Variants in UQCRC2 observed in about 807,000 individuals in gnomAD.
UQCRC2 encodes ubiquinol-cytochrome c reductase core protein 2, also known as cytochrome b-c1 complex subunit 2, mitochondrial.
In UQCRC2, 49 loss-of-function variants were observed where a neutral mutation model predicts 55.6. That is an observed-to-expected ratio of 0.88 (90% CI 0.70 to 1.12). The LOEUF (loss-of-function observed/expected upper bound fraction) is 1.12, where lower values mean the gene tolerates loss of function less well. Ranked by LOEUF, UQCRC2 falls within the 50% of genes most tolerant of loss-of-function variation. UQCRC2 has a pLI of 0.00. For synonymous variants in UQCRC2, 193 were observed against 192.0 expected (o/e 1.01, Z -0.04); for missense variants, 506 against 547.8 (o/e 0.92, Z 0.76).
chr16:21,962,908 T>C (rs777554624), intron 6 of UQCRC2, 23 bp downstream of exon 6: 2 of 1,607,538 alleles, frequency 1.2e-6, no homozygotes, highest in African/African-American at 2.7e-5. Context: ...CCAGATCACA[T>C]TTGATTCTAA....
At chr16:21,972,233 G>T (rs1281156770) in intron 10 of UQCRC2, 111 bp downstream of exon 10, 1 of 1,382,092 alleles carries the variant, frequency 7.2e-7, no homozygotes, top group Non-Finnish European at 9.8e-7. Context: ...GAAAATCTTT[G>T]TACAATTGAA....
chr16:21,980,873 T>C (rs1003431546), intron 13 of UQCRC2, among the ~76,000 whole-genome samples, 173 bp downstream of exon 13: 2 of 152,172 alleles, frequency 1.3e-5, no homozygotes, highest in African/African-American at 4.8e-5. Context: ...CAAGCTTCCC[T>C]GTCAGCTCGA....
intron 13 of UQCRC2, among the ~76,000 whole-genome samples, chr16:21,982,025 A>G (rs1898742508): frequency 6.6e-6 from 1 of 151,650 alleles, no homozygotes. Flanking sequence ...TATTTTTAGT[A>G]GAGACGGGGT....
At chr16:21,962,686 A>G in intron 5 of UQCRC2, 75 bp from the exon 6 acceptor site, 1 of 1,605,934 alleles carries the variant, frequency 6.2e-7, no homozygotes, top group South Asian at 1.1e-5. Context: ...CATTGAGAGC[A>G]TTACAGCTAT....
Position 21,976,261 on chromosome 16 carries a change from CTGTGT to C in UQCRC2, c.1124+20_1124+24del, listed in dbSNP as rs1567478723. 2 of 1,589,224 alleles carry C rather than the reference CTGTGT, an allele frequency of 1.3e-6. No individual in the cohort carries two copies. ...GCTGCCAAGTAAGTCTCAGTATTAA[CTGTGT>C]TTTATGTTTTTGTTATTTGAAAGTT... On this transcript the variant is annotated intron_variant, in intron 12 of 13. Coordinates refer to ENST00000268379, the MANE Select transcript of UQCRC2 (RefSeq NM_003366.4).
At chr16:21,976,275 T>C in intron 12 of UQCRC2, 32 bp downstream of exon 12, 1 of 1,540,920 alleles carries the variant, frequency 6.5e-7, no homozygotes, top group Non-Finnish European at 9.0e-7. Context: ...GTTTTATGTT[T>C]TTGTTATTTG....
rs138762152 is a variant in UQCRC2, at chr16:21,961,306, C to T, written c.333-1154C>T. 3,166 of 446,048 alleles carry T rather than the reference C, an allele frequency of 7.1e-3. 25 individuals carry two copies. The highest frequency in any genetic ancestry group is 0.017 in the Middle Eastern group (51 of 3,030). The allele number at this position is 446,048 out of a possible 1,614,324, so 27.6% of individuals were successfully genotyped here. ...AGGTATTCTTTATAAAGACTGGAAA[C>T]GATCTAAGTGTCCATCTTTAGGGAA... On this transcript the variant is annotated intron_variant, in intron 4 of 13. Transcript: ENST00000268379.
At chr16:21,955,257 C>G (rs1898070060) in intron 1 of UQCRC2, among the ~76,000 whole-genome samples, 4 of 152,088 alleles carry the variant, frequency 2.6e-5, no homozygotes, top group Admixed American at 2.6e-4. Context: ...ACCCAGCAAA[C>G]TAAATTGATG....
chr16:21,974,814 C>T (rs1044207059), intron 11 of UQCRC2, among the ~76,000 whole-genome samples: 3 of 152,156 alleles, frequency 2.0e-5, no homozygotes, highest in Non-Finnish European at 2.9e-5. Context: ...ATCCAGCACA[C>T]AAGTGGACCT....
intron 4 of UQCRC2, among the ~76,000 whole-genome samples, chr16:21,959,115 G>A (rs142141974): frequency 6.6e-6 from 1 of 152,178 alleles, no homozygotes; most frequent in African/African-American, 2.4e-5. Flanking sequence ...TCAAGGTGGT[G>A]GTTGCTGAAG....
chr16:21,955,423 G>A (rs1209784584), intron 1 of UQCRC2, among the ~76,000 whole-genome samples: 2 of 152,142 alleles, frequency 1.3e-5, no homozygotes, highest in African/African-American at 2.4e-5. Context: ...AGGGATGTCC[G>A]GGAAACTCCA....
At chr16:21,958,443 T>A in intron 3 of UQCRC2, 92 bp from the exon 4 acceptor site, 1 of 1,136,660 alleles carries the variant, frequency 8.8e-7, no homozygotes, top group East Asian at 2.4e-5. Context: ...AAATTCTTTT[T>A]AAATCTGCTC....
intron 10 of UQCRC2, among the ~76,000 whole-genome samples, chr16:21,972,991 T>C (rs1898499884): frequency 6.6e-6 from 1 of 152,180 alleles, no homozygotes; most frequent in African/African-American, 2.4e-5. Context: ...TCCCAGCTAC[T>C]TGGGAGGCTG....
chr16:21,958,489 C>T lies in UQCRC2; in HGVS notation c.268-46C>T, dbSNP rs375397718. 4.6e-5 allele frequency: 72 copies of T among 1,568,818 alleles called. No homozygotes were observed. The African/African-American group carries it at 9.5e-4, about 21-fold the overall frequency. On this transcript the variant is annotated intron_variant, in intron 3 of 13. Transcript: ENST00000268379. ...TTGATATAGTGTGATGTTTGGCAAACTTGGCATTGAAAAGCTACAAAGATA... is the reference window on the plus strand; with the variant it reads ...TTGATATAGTGTGATGTTTGGCAAATTTGGCATTGAAAAGCTACAAAGATA...
intron 7 of UQCRC2, among the ~76,000 whole-genome samples, chr16:21,965,966 G>A (rs1463112171): frequency 6.6e-6 from 1 of 152,082 alleles, no homozygotes; most frequent in Non-Finnish European, 1.5e-5. Flanking sequence ...TTACAGGCAT[G>A]AGCCATTGCA....
At chr16:21,977,488 T>C (rs1898614072) in intron 12 of UQCRC2, among the ~76,000 whole-genome samples, 1 of 152,112 alleles carries the variant, frequency 6.6e-6, no homozygotes, top group South Asian at 2.1e-4. Flanking sequence ...CCAAAAAAGA[T>C]CTGATTTTGT....
intron 4 of UQCRC2, chr16:21,959,533 G>A (rs1158429488): frequency 6.5e-6 from 1 of 154,380 alleles, no homozygotes; most frequent in African/African-American, 2.4e-5. Flanking sequence ...CTGAAGTCTT[G>A]CCTCTCAGAG....
At position 21,969,248 on chromosome 16, in the gene UQCRC2, T is replaced by C. The variant is rs374450607; in HGVS notation, c.670+563T>C. On this transcript the variant is annotated intron_variant, in intron 8 of 13. Coordinates refer to ENST00000268379, the MANE Select transcript of UQCRC2 (RefSeq NM_003366.4). ...TCTTTTTGAACATATCTGTTAAAAT[T>C]CTAGGCTGGGCATGGTGGCTCATGC... 7.9e-5 allele frequency among the ~76,000 whole-genome samples: 12 copies of C among 152,148 alleles called. No homozygotes were observed. In the East Asian group the frequency reaches 1.9e-3, roughly 25 times the overall value.
intron 11 of UQCRC2, among the ~76,000 whole-genome samples, chr16:21,974,702 TGA>T (rs1182142666): frequency 1.3e-5 from 2 of 152,200 alleles, no homozygotes; most frequent in African/African-American, 2.4e-5. Context: ...GAGTTTACAC[TGA>T]GAGATTAGGT....
Sources: gnomAD v4.1 joint callset for allele counts (sites outside exome capture counted in the v4.1 genomes callset) on GRCh38, gnomAD v4.1.1 for gene constraint, MANE v1.5 for transcripts, NCBI Gene and HGNC (gene_info 2026-07-23, HGNC 2026-07-21) for gene names.